TINCR: variants seen among roughly 807,000 people sequenced by gnomAD.
The protein encoded by TINCR is TINCR-encoded ubiquitin-like protein.
At chr19:5,567,756 A>G (rs2052139354) in exon 1 of TINCR, 2 of 391,818 alleles carry the variant, frequency 5.1e-6, no homozygotes, top group Admixed American at 8.9e-5. Flanking sequence ...GCGTTGTAGT[A>G]GAAGGCGCGC....
intron 1 of TINCR, among the ~76,000 whole-genome samples, chr19:5,567,176 G>A (rs1161389582): frequency 4.6e-5 from 7 of 151,992 alleles, no homozygotes; most frequent in Admixed American, 4.6e-4. Context: ...GAGGGAGACA[G>A]AGATAAGAGA....
At chr19:5,560,758 G>C (rs967072678), downstream of TINCR, 2 of 152,466 alleles carry the variant, frequency 1.3e-5, no homozygotes, top group African/African-American at 4.8e-5. The surrounding 1 kb of genome is among the most constrained non-coding windows in gnomAD (Gnocchi z 4.5). Context: ...GGTGCCTCCT[G>C]GGGAGGTATT....
chr19:5,566,259 A>G (rs2052128314), intron 1 of TINCR, among the ~76,000 whole-genome samples: 1 of 152,160 alleles, frequency 6.6e-6, no homozygotes, highest in Non-Finnish European at 1.5e-5. Flanking sequence ...GTTGAGACAC[A>G]GCGAGAAAAA....
At chr19:5,561,389 G>T (rs553057841), downstream of TINCR, 1 of 153,730 alleles carries the variant, frequency 6.5e-6, no homozygotes. Flanking sequence ...GTCCACCTGG[G>T]AGCCCAGACC....
At chr19:5,559,860 A>G (rs1458859394), downstream of TINCR, 3 of 152,382 alleles carry the variant, frequency 2.0e-5, no homozygotes, top group South Asian at 6.2e-4. Flanking sequence ...ACCACGCATG[A>G]GCAGGGATCT....
rs2052112437 is a variant in TINCR at position 5,563,630 on chromosome 19, C to T, written c.261-681G>A. Among the ~76,000 whole-genome samples the T allele has an allele frequency of 6.6e-6, 1 of 151,814 alleles. No individual in the cohort carries two copies. The highest frequency in any genetic ancestry group is 2.1e-4 in the South Asian group (1 of 4,816). On this transcript the variant is annotated intron_variant, in intron 1 of 1. Coordinates refer to ENST00000646160, the Ensembl canonical transcript of TINCR. This position sits in a 1 kb window ranked among gnomAD's most constrained non-coding sequence, Gnocchi z 4.7. ...CTGTAAACCGCCAATGATAACGGCA[C>T]CCGGCCAGGCACGGTGGCTCACGCG...
At chr19:5,562,259 C>T (rs577856366), downstream of TINCR, 1 of 152,786 alleles carries the variant, frequency 6.5e-6, no homozygotes, top group African/African-American at 2.4e-5. The surrounding 1 kb of genome is among the most constrained non-coding windows in gnomAD (Gnocchi z 4.4). Flanking sequence ...AAACATAGCC[C>T]TTGCCTTGGC....
chr19:5,567,623 G>GCCCCCCCCCCCCCCCCCCCC, intron 1 of TINCR, 42 bp downstream of exon 1: 5 of 328,346 alleles, frequency 1.5e-5, no homozygotes, highest in Non-Finnish European at 5.5e-6. Context: ...GGGGTCCCCG[G>GCCCCCCCCCCCCCCCCCCCC]CCGCCGCCCC....
chr19:5,567,596 TC>T (rs2052137954), intron 1 of TINCR, 68 bp downstream of exon 1: 2 of 370,548 alleles, frequency 5.4e-6, no homozygotes, highest in African/African-American at 2.1e-5. Context: ...GGCGCCCGCC[TC>T]CCCCGCCGCT....
chr19:5,561,468 C>A (rs1430737527), downstream of TINCR: 1 of 152,728 alleles, frequency 6.5e-6, no homozygotes, highest in African/African-American at 2.4e-5. Context: ...AACACCAGTT[C>A]TCCAGCCATT....
intron 1 of TINCR, among the ~76,000 whole-genome samples, 175 bp downstream of exon 1, chr19:5,567,490 G>A (rs2052136953): frequency 6.6e-6 from 1 of 152,244 alleles, no homozygotes; most frequent in Non-Finnish European, 1.5e-5. Context: ...CAGAGAGCCC[G>A]AAAGCAAGAC....
downstream of TINCR, chr19:5,558,499 G>A (rs2052082823): frequency 6.6e-6 from 1 of 152,354 alleles, no homozygotes; most frequent in South Asian, 2.1e-4. Flanking sequence ...CCCAAACTCA[G>A]GGATACATGG....
downstream of TINCR, chr19:5,561,696 G>A (rs1371860955): frequency 6.6e-6 from 1 of 152,136 alleles, no homozygotes; most frequent in African/African-American, 2.4e-5. Flanking sequence ...CTGACTCCTG[G>A]GTTCAAGCGA....
At chr19:5,560,284 T>A (rs1384570056), downstream of TINCR, 1 of 152,232 alleles carries the variant, frequency 6.6e-6, no homozygotes, top group African/African-American at 2.4e-5. The surrounding 1 kb of genome is among the most constrained non-coding windows in gnomAD (Gnocchi z 4.5). Context: ...ACGCACAGTC[T>A]GGGCACGGCT....
At chr19:5,567,629 G>GCCCCCCCCCCCCCCCCCCCCCC in intron 1 of TINCR, 36 bp downstream of exon 1, 4 of 181,982 alleles carry the variant, frequency 2.2e-5, no homozygotes, top group Non-Finnish European at 3.3e-5. Flanking sequence ...CCCGGCCGCC[G>GCCCCCCCCCCCCCCCCCCCCCC]CCCCCGCCCC....
intron 1 of TINCR, among the ~76,000 whole-genome samples, chr19:5,567,059 G>T (rs138897422): frequency 1.3e-5 from 2 of 151,992 alleles, no homozygotes; most frequent in African/African-American, 4.8e-5. Flanking sequence ...AAAAAACAGA[G>T]ACCAAAATGG....
In TINCR at chr19:5,563,291, C is replaced by G. The variant is rs2052110603; in HGVS notation, c.261-342G>C. On this transcript the variant is annotated intron_variant, in intron 1 of 1. Transcript: ENST00000646160. This position sits in a 1 kb window ranked among gnomAD's most constrained non-coding sequence, Gnocchi z 4.7. ...CCTCTGGCACCTGCTACGGGGAGGA[C>G]AGACTTGTAGGGGACAAGGGCAGGG... 6.6e-6 allele frequency among the ~76,000 whole-genome samples: 1 copy of G among 151,814 alleles called. No individual in the cohort carries two copies. Among genetic ancestry groups the G allele is most frequent in the Non-Finnish European group, 1.5e-5 (1 of 67,986 alleles).
chr19:5,567,629 G>GCCCCCCCCCCCCCCCCCCC, intron 1 of TINCR, 36 bp downstream of exon 1: 1 of 181,986 alleles, frequency 5.5e-6, no homozygotes, highest in Non-Finnish European at 1.1e-5. Flanking sequence ...CCCGGCCGCC[G>GCCCCCCCCCCCCCCCCCCC]CCCCCGCCCC....
At chr19:5,566,528 C>G (rs2052130097) in intron 1 of TINCR, among the ~76,000 whole-genome samples, 1 of 149,582 alleles carries the variant, frequency 6.7e-6, no homozygotes, top group Non-Finnish European at 1.5e-5. Context: ...CTCACAGAGA[C>G]ACAGAGAGAG....
Sources: allele counts gnomAD v4.1 joint callset (sites outside exome capture counted in the v4.1 genomes callset), GRCh38; gene constraint gnomAD v4.1.1; non-coding constraint Gnocchi (gnomAD v3.1); transcripts MANE v1.5; gene names NCBI Gene and HGNC (gene_info 2026-07-23, HGNC 2026-07-21).